Variants in CHRM3 observed in about 807,000 individuals in gnomAD.
CHRM3 encodes muscarinic acetylcholine receptor M3.
A neutral mutation model predicts 41.8 loss-of-function variants in CHRM3; 11 were observed. The ratio of observed to expected loss-of-function variants is 0.26; its 90% confidence interval spans 0.17 to 0.44. The LOEUF is 0.44. CHRM3 is among the 20% of genes least tolerant of loss of function. CHRM3 has a pLI of 1.00. For missense variants in CHRM3, 571 were observed against 745.4 expected (o/e 0.77, Z 2.72); for synonymous variants, 297 against 301.4 (o/e 0.99, Z 0.15).
chr1:239,837,421 A>G (rs778139740), intron 6 of CHRM3, among the ~76,000 whole-genome samples: 1 of 152,322 alleles, frequency 6.6e-6, no homozygotes, highest in African/African-American at 2.4e-5. Context: ...TCAGCTAGGA[A>G]GGACTCTGAA....
intron 5 of CHRM3, among the ~76,000 whole-genome samples, chr1:239,684,592 A>C (rs1658891974): frequency 6.6e-6 from 1 of 151,370 alleles, no homozygotes; most frequent in South Asian, 2.1e-4. Context: ...CAGAGGTTGC[A>C]GTGAGCTGAG....
At chr1:239,699,651 A>G (rs1203839720) in intron 5 of CHRM3, among the ~76,000 whole-genome samples, 1 of 152,180 alleles carries the variant, frequency 6.6e-6, no homozygotes. Context: ...TGTTCATAAC[A>G]ATAAAATTAG....
intron 6 of CHRM3, among the ~76,000 whole-genome samples, chr1:239,852,483 T>C (rs1674773822): frequency 6.6e-6 from 1 of 152,194 alleles, no homozygotes; most frequent in African/African-American, 2.4e-5. Context: ...AAATTTCAGA[T>C]ACAAGCAATA....
At position 239,908,019 on chromosome 1, in the gene CHRM3, G is replaced by C. The variant is rs767118597; in HGVS notation, c.568G>C (p.Gly190Arg). 1.2e-6 allele frequency: 2 copies of C among 1,614,002 alleles called. No individual in the cohort carries two copies. Among genetic ancestry groups the C allele is most frequent in the Non-Finnish European group, 1.7e-6 (2 of 1,180,034 alleles). The stretch of plus-strand genomic sequence containing the variant: ...AACAAAGAGAGCCGGTGTGATGATC[G>C]GTCTGGCTTGGGTCATCTCCTTTGT... ...RTTKRAGVMI[G>R]LAWVISFVLW... is the part of the protein sequence containing the mutation. The change falls in exon 7 of 7, where the codon GGT becomes CGT. Residue 190 changes from glycine to arginine, a missense_variant. This residue lies in a region of CHRM3 where 153 missense variants were observed against 296.3 expected (regional missense o/e 0.52). Coordinates refer to ENST00000676153, the MANE Select transcript of CHRM3 (RefSeq NM_001375978.1). This position sits in a 1 kb window ranked among gnomAD's most constrained non-coding sequence, Gnocchi z 7.2.
Position 239,424,011 on chromosome 1 carries a change from C to T in CHRM3, c.-521+36784C>T, listed in dbSNP as rs552505297. Among the ~76,000 whole-genome samples the T allele has an allele frequency of 1.2e-3, 173 of 146,836 alleles. 1 individual carries two copies. Among genetic ancestry groups the T allele is most frequent in the Non-Finnish European group, 2.2e-3 (149 of 67,226 alleles). On this transcript the variant is annotated intron_variant, in intron 1 of 6. Transcript: ENST00000676153. Reference sequence around the variant, plus strand: ...TGGAGCTTGCAGTGAGCCGAGATTGCGCCACTGCACTCCAGCCTGGGCAAC... The same window carrying T: ...TGGAGCTTGCAGTGAGCCGAGATTGTGCCACTGCACTCCAGCCTGGGCAAC...
In CHRM3 at chr1:239,909,582, G is replaced by C. The variant is rs979087064; in HGVS notation, c.*358G>C. The C allele has an allele frequency of 1.0e-5, 2 of 194,834 alleles. No individual in the cohort carries two copies. Among genetic ancestry groups the C allele is most frequent in the Non-Finnish European group, 2.3e-5 (2 of 85,842 alleles). The allele number at this position is 194,834 out of a possible 1,614,324, so 12.1% of individuals were successfully genotyped here. A position where few individuals can be genotyped will look rare whatever the true frequency, so the allele number is the denominator to read the frequency against. On this transcript the variant is annotated 3_prime_UTR_variant, in exon 7 of 7. Transcript: ENST00000676153. ...CCATTAGCTTTGGAATCTCAGATGA[G>C]CATAGCTGACCCAGTTCCCACATTC...
At position 239,882,493 on chromosome 1, in the gene CHRM3, CTA is replaced by C. The variant is rs1258032201; in HGVS notation, c.-19-24938_-19-24937del. Among the ~76,000 whole-genome samples, 4 of 152,102 alleles carry C rather than the reference CTA, an allele frequency of 2.6e-5. No individual in the cohort carries two copies. The East Asian group carries it at 7.7e-4, about 29-fold the overall frequency. On this transcript the variant is annotated intron_variant, in intron 6 of 6. Transcript: ENST00000676153. ...AACGTCTTTTAATCCCCGCACAATC[CTA>C]TGAGATAGGTGCTGTTATCAACCTC...
chr1:239,424,472 T>C (rs1662215136), intron 1 of CHRM3, among the ~76,000 whole-genome samples: 1 of 152,236 alleles, frequency 6.6e-6, no homozygotes. Context: ...TGACATTTTG[T>C]TCATTCATTC....
At chr1:239,841,061 C>T (rs1463384882) in intron 6 of CHRM3, among the ~76,000 whole-genome samples, 1 of 152,160 alleles carries the variant, frequency 6.6e-6, no homozygotes, top group East Asian at 1.9e-4. Context: ...TCCATGGCAC[C>T]CTGACTCTCT....
chr1:239,797,209 G>A (rs1450275795), intron 5 of CHRM3, among the ~76,000 whole-genome samples: 1 of 152,082 alleles, frequency 6.6e-6, no homozygotes, highest in African/African-American at 2.4e-5. Context: ...AAAATTGGGA[G>A]GAAAGGAGGG....
chr1:239,716,723 G>A (rs1338203504), intron 5 of CHRM3, among the ~76,000 whole-genome samples: 1 of 151,952 alleles, frequency 6.6e-6, no homozygotes, highest in African/African-American at 2.4e-5. Flanking sequence ...GAAGGGAGAA[G>A]AAGGGAAAGG....
At chr1:239,780,982 C>T (rs919306715) in intron 5 of CHRM3, among the ~76,000 whole-genome samples, 6 of 152,080 alleles carry the variant, frequency 3.9e-5, no homozygotes, top group African/African-American at 1.4e-4. Context: ...TCTGTCTGTC[C>T]TTTCACCAAT....
intron 5 of CHRM3, among the ~76,000 whole-genome samples, chr1:239,756,097 T>C (rs1004987982): frequency 3.9e-5 from 6 of 152,194 alleles, no homozygotes; most frequent in African/African-American, 1.4e-4. Context: ...ATAGATGTCA[T>C]TCTGACCTAC....
At chr1:239,520,453 C>G (rs1669565787) in intron 2 of CHRM3, among the ~76,000 whole-genome samples, 1 of 152,006 alleles carries the variant, frequency 6.6e-6, no homozygotes, top group African/African-American at 2.4e-5. Flanking sequence ...CGGTGTGGCA[C>G]CCCGCTTGCT....
chr1:239,756,316 A>G (rs1666238450), intron 5 of CHRM3, among the ~76,000 whole-genome samples: 1 of 151,824 alleles, frequency 6.6e-6, no homozygotes, highest in Non-Finnish European at 1.5e-5. Context: ...ATGATGAATA[A>G]AGAGGACTTA....
chr1:239,913,323 C>G lies in CHRM3; in HGVS notation c.*4099C>G, dbSNP rs974142188. 12 of 166,600 alleles carry G rather than the reference C, an allele frequency of 7.2e-5. No homozygotes were observed. The highest frequency in any genetic ancestry group is 1.8e-4 in the Non-Finnish European group (12 of 68,112). 10.3% of individuals were successfully genotyped at this position (166,600 alleles called of 1,614,324 possible). ...AGCATTTCTCATAACAGAACTGAAA[C>G]TGTATAGATTACAACACTCCAAAGT... On this transcript the variant is annotated 3_prime_UTR_variant, in exon 7 of 7. Transcript: ENST00000676153.
At chr1:239,782,282 C>A (rs1474414626) in intron 5 of CHRM3, among the ~76,000 whole-genome samples, 1 of 151,984 alleles carries the variant, frequency 6.6e-6, no homozygotes, top group Non-Finnish European at 1.5e-5. Context: ...TATTTAATTT[C>A]TCTAATGGAT....
chr1:239,818,949 AT>A, intron 5 of CHRM3, among the ~76,000 whole-genome samples: 1 of 152,232 alleles, frequency 6.6e-6, no homozygotes, highest in Middle Eastern at 3.4e-3. Context: ...AGAGTGACCC[AT>A]TTCCAAGTTC....
chr1:239,633,317 G>A (rs1201705684), intron 4 of CHRM3, among the ~76,000 whole-genome samples: 1 of 152,146 alleles, frequency 6.6e-6, no homozygotes, highest in East Asian at 1.9e-4. Context: ...GGGTGCGGAG[G>A]AAACTGCCAC....
Sources: gnomAD v4.1 joint callset for allele counts (sites outside exome capture counted in the v4.1 genomes callset) on GRCh38, gnomAD v4.1.1 for gene constraint, gnomAD v4.1.1 regional missense constraint, Gnocchi (gnomAD v3.1) non-coding constraint, MANE v1.5 for transcripts, NCBI Gene and HGNC (gene_info 2026-07-23, HGNC 2026-07-21) for gene names.